Variants in NBR1 observed in about 807,000 individuals in gnomAD.
NBR1 encodes the protein NBR1 autophagy cargo receptor.
A neutral mutation model predicts 115.5 loss-of-function variants in NBR1; 59 were observed. That is an observed-to-expected ratio of 0.51 (90% CI 0.41 to 0.63). NBR1 has a LOEUF of 0.63. NBR1 is among the 30% of genes least tolerant of loss of function. The probability of loss-of-function intolerance (pLI) is 0.00; values close to 1 mark genes in which losing one functional copy is unlikely to be tolerated. For synonymous variants in NBR1, 373 were observed against 414.7 expected (o/e 0.90, Z 1.22); for missense variants, 1,043 against 1,150.5 (o/e 0.91, Z 1.35).
chr17:43,207,517 C>T (rs539332101), intron 20 of NBR1, among the ~76,000 whole-genome samples: 1 of 152,262 alleles, frequency 6.6e-6, no homozygotes, highest in South Asian at 2.1e-4. Flanking sequence ...ACCACCATGC[C>T]TAGCTAGTTT....
In NBR1 at chr17:43,193,535, G is replaced by T; in HGVS notation, c.1421G>T (p.Cys474Phe). The T allele has an allele frequency of 6.2e-7, 1 of 1,613,500 alleles. No homozygotes were observed. The highest frequency in any genetic ancestry group is 1.1e-5 in the South Asian group (1 of 90,974). ...CAGCAATTTGGGCCTCGGGTCTGGT[G>T]CAGTATCATAGTAGATCCTTTCCCC... is the stretch of plus-strand genomic sequence containing the variant. ...KGQQFGPRVWCSIIVDPFPSE... is the reference protein window; with the variant it reads ...KGQQFGPRVWFSIIVDPFPSE... Residue 474 changes from cysteine to phenylalanine, a missense_variant, in exon 12 of 21, where the codon TGC becomes TTC. By Grantham distance (205) the Cys-to-Phe change is radical. Transcript: ENST00000590996.
At position 43,179,267 on chromosome 17, in the gene NBR1, C is replaced by T. The variant is rs775920195; in HGVS notation, c.166-127C>T. ...TTTCTTAAGTGTTATTCATGACTAGCAAGTGATATGGAAAAGCTGAACGCT... is the reference window on the plus strand; with the variant it reads ...TTTCTTAAGTGTTATTCATGACTAGTAAGTGATATGGAAAAGCTGAACGCT... On this transcript the variant is annotated intron_variant, in intron 3 of 20. Coordinates refer to ENST00000590996, the MANE Select transcript of NBR1 (RefSeq NM_005899.5). 18 of 756,000 alleles carry T rather than the reference C, an allele frequency of 2.4e-5. 1 individual carries two copies. Among genetic ancestry groups the T allele is most frequent in the African/African-American group, 5.2e-5 (3 of 57,256 alleles). 46.8% of individuals were successfully genotyped at this position (756,000 alleles called of 1,614,324 possible).
intron 20 of NBR1, among the ~76,000 whole-genome samples, 196 bp downstream of exon 20, chr17:43,203,982 G>C (rs1431787790): frequency 6.7e-6 from 1 of 150,356 alleles, no homozygotes; most frequent in African/African-American, 2.5e-5. Context: ...CTGTTGCCCA[G>C]GCTGGGGTGC....
In NBR1 at chr17:43,191,551, C is replaced by G. The variant is rs1316263041; in HGVS notation, c.1043C>G (p.Pro348Arg). ...LQSPKSPLGR[P>R]ESLLQSNTLM... ...AGCCCCAAGTCTCCTTTAGGCCGAC[C>G]TGAGAGCTTGCTCCAGTCTAATACC... Residue 348 changes from proline (P) to arginine (R), a missense_variant, in exon 10 of 21, where the codon CCT becomes CGT. Coordinates refer to ENST00000590996, the MANE Select transcript of NBR1 (RefSeq NM_005899.5). 1 of 1,612,842 alleles carries G rather than the reference C, an allele frequency of 6.2e-7. No individual in the cohort carries two copies. Among genetic ancestry groups the G allele is most frequent in the Admixed American group, 1.7e-5 (1 of 59,858 alleles).
upstream of NBR1, chr17:43,170,986 G>C (rs1430925190): frequency 6.6e-6 from 1 of 152,230 alleles, no homozygotes; most frequent in Non-Finnish European, 1.5e-5. Context: ...AATTTGCCTG[G>C]GGAAGGGGAA....
Position 43,193,614 on chromosome 17 carries a change from T to C in NBR1, c.1500T>C (p.Thr500=). The change falls in exon 12 of 21, where the codon ACT becomes ACC. Residue 500 remains threonine (T), a synonymous_variant. Transcript: ENST00000590996. ...AGGGCATGATCAGCTCAAGCAAAAC[T>C]GATGATCTCACCTGCCAGCAAGAGG... ...IEKGMISSSK[T]DDLTCQQEET... 3.1e-6 allele frequency: 5 copies of C among 1,609,938 alleles called. No individual in the cohort carries two copies. The highest frequency in any genetic ancestry group is 4.2e-6 in the Non-Finnish European group (5 of 1,178,126).
chr17:43,193,780 T>C, intron 12 of NBR1, 142 bp downstream of exon 12: 1 of 872,482 alleles, frequency 1.1e-6, no homozygotes, highest in Non-Finnish European at 1.7e-6. Flanking sequence ...CCAACACATC[T>C]CTATGCTGAT....
Position 43,189,721 on chromosome 17 carries a change from T to G in NBR1, c.614T>G (p.Phe205Cys). ...VSMPTSEETLFLPENQFSWHI... is the reference protein window; with the variant it reads ...VSMPTSEETLCLPENQFSWHI... ...ATGCCTACTTCAGAAGAAACATTGT[T>G]TTTGCCAGAAAACCAGTTCAGCTGG... is the stretch of plus-strand genomic sequence containing the variant. The change falls in exon 8 of 21, where the codon TTT becomes TGT. Residue 205 changes from phenylalanine to cysteine, a missense_variant. By Grantham distance (205) the Phe-to-Cys change is radical. Transcript: ENST00000590996. The G allele has an allele frequency of 6.2e-7, 1 of 1,613,948 alleles. No individual in the cohort carries two copies. Among genetic ancestry groups the G allele is most frequent in the African/African-American group, 1.3e-5 (1 of 75,028 alleles).
chr17:43,173,436 C>A (rs1237791711), intron 1 of NBR1, among the ~76,000 whole-genome samples: 1 of 152,092 alleles, frequency 6.6e-6, no homozygotes, highest in Non-Finnish European at 1.5e-5. Context: ...TAAAGGCCTG[C>A]GCCACTACAC....
intron 15 of NBR1, 76 bp downstream of exon 15, chr17:43,196,667 C>T (rs1230044423): frequency 9.0e-7 from 1 of 1,113,914 alleles, no homozygotes; most frequent in South Asian, 1.4e-5. Flanking sequence ...CTATCCCCTA[C>T]TGACCCTACC....
Position 43,190,654 on chromosome 17 carries a change from A to G in NBR1, c.741A>G (p.Pro247=), listed in dbSNP as rs2056921637. ...YNICEDCEAG[P]YGHDTNHVLL... is the part of the protein sequence containing the mutation. ...TCTGTGAAGATTGTGAAGCAGGGCCATATGGCCATGACACTAACCACGTCC... is the reference window on the plus strand; with the variant it reads ...TCTGTGAAGATTGTGAAGCAGGGCCGTATGGCCATGACACTAACCACGTCC... Residue 247 remains proline, a synonymous_variant, in exon 9 of 21, where the codon CCA becomes CCG. Transcript: ENST00000590996. The G allele has an allele frequency of 1.2e-6, 2 of 1,610,526 alleles. No individual in the cohort carries two copies. The highest frequency in any genetic ancestry group is 1.3e-5 in the African/African-American group (1 of 75,050).
intron 10 of NBR1, 36 bp downstream of exon 10, chr17:43,191,617 G>C: frequency 6.9e-7 from 1 of 1,445,694 alleles, no homozygotes; most frequent in Non-Finnish European, 9.4e-7. Context: ...CAAAACTTTA[G>C]GCCCAGCTCT....
intron 6 of NBR1, among the ~76,000 whole-genome samples, chr17:43,188,780 TG>T (rs766667129): frequency 1.3e-5 from 2 of 152,202 alleles, no homozygotes; most frequent in Non-Finnish European, 2.9e-5. Flanking sequence ...TTGTCTTTGT[TG>T]TAAGATTTGC....
chr17:43,181,144 T>G (rs1472870668), intron 5 of NBR1, among the ~76,000 whole-genome samples: 2 of 152,196 alleles, frequency 1.3e-5, no homozygotes, highest in Admixed American at 1.3e-4. Context: ...AGTGCTGGGA[T>G]TATAGGCATG....
intron 3 of NBR1, among the ~76,000 whole-genome samples, chr17:43,179,165 C>G (rs2056601213): frequency 6.6e-6 from 1 of 152,174 alleles, no homozygotes; most frequent in Non-Finnish European, 1.5e-5. Flanking sequence ...CTGTAGAACT[C>G]AAGCTCCTAA....
chr17:43,209,921 G>A lies in NBR1; in HGVS notation c.2748G>A (p.Gln916=), dbSNP rs759083272. The A allele has an allele frequency of 1.7e-5, 27 of 1,567,662 alleles. No individual in the cohort carries two copies. The Middle Eastern group carries it at 1.2e-3, about 69-fold the overall frequency. The change falls in exon 21 of 21, where the codon CAG becomes CAA. Residue 916 remains glutamine (Q), a synonymous_variant. Coordinates refer to ENST00000590996, the MANE Select transcript of NBR1 (RefSeq NM_005899.5). ...VTAQPIISED[Q]TAALMAHLFE... is the part of the protein sequence containing the mutation. ...CACAGCCAATAATTTCTGAAGATCA[G>A]ACAGCAGCCCTGATGGCCCATCTCT...
chr17:43,194,304 G>A (rs1370557547), intron 12 of NBR1, 46 bp from the exon 13 acceptor site: 6 of 1,551,752 alleles, frequency 3.9e-6, no homozygotes, highest in Middle Eastern at 1.7e-4. Context: ...TGCCTCTTCA[G>A]TTCTGTTGAA....
intron 1 of NBR1, among the ~76,000 whole-genome samples, chr17:43,173,720 A>T (rs1295269458): frequency 1.3e-5 from 2 of 152,200 alleles, no homozygotes; most frequent in African/African-American, 4.8e-5. Flanking sequence ...TAAAGAACCG[A>T]AGCTCAAAAG....
chr17:43,205,040 T>C (rs1024152230), intron 20 of NBR1, among the ~76,000 whole-genome samples: 2 of 151,862 alleles, frequency 1.3e-5, no homozygotes, highest in African/African-American at 2.4e-5. Flanking sequence ...GTGAGGTGCA[T>C]GGATACTTAA....
Sources: gnomAD v4.1 joint callset for allele counts (sites outside exome capture counted in the v4.1 genomes callset) on GRCh38, gnomAD v4.1.1 for gene constraint, MANE v1.5 for transcripts, NCBI Gene and HGNC (gene_info 2026-07-23, HGNC 2026-07-21) for gene names.